IAH1: variants seen among roughly 807,000 people sequenced by gnomAD.
The protein encoded by IAH1 is isoamyl acetate-hydrolyzing esterase 1 homolog.
In IAH1, 24 loss-of-function variants were observed where a neutral mutation model predicts 26.7. The ratio of observed to expected loss-of-function variants is 0.90; its 90% CI spans 0.65 to 1.26. The LOEUF (loss-of-function observed/expected upper bound fraction) is 1.26, where lower values mean the gene tolerates loss of function less well. Ranked by LOEUF, IAH1 falls within the 50% of genes most tolerant of loss-of-function variation. The pLI, the probability that IAH1 is intolerant of heterozygous loss-of-function variation, is 0.00. For synonymous variants in IAH1, 140 were observed against 118.5 expected, an observed-to-expected ratio of 1.18 and a Z score of -1.18; for missense variants, 300 against 299.9, an observed-to-expected ratio of 1.00 and a Z score of 0.00.
At chr2:9,491,102 C>G (rs1662103870), downstream of IAH1, 3 of 1,612,892 alleles carry the variant, frequency 1.9e-6, no homozygotes, top group Non-Finnish European at 2.5e-6. Flanking sequence ...TATACTTACA[C>G]TGGGGTGAAA....
rs1276199438 is a variant in IAH1, at chr2:9,481,290, G to C, written c.288G>C (p.Glu96Asp). The change falls in exon 4 of 6, where the codon GAG becomes GAC. Residue 96 changes from glutamate (E) to aspartate (D), a missense_variant. Glu to Asp is a conservative substitution (Grantham distance 45). Transcript: ENST00000497473. Reference protein sequence around the residue: ...FGANDSALKDENPKQHIPLEE... With the variant: ...FGANDSALKDDNPKQHIPLEE... ...ACTCATGTTTCTCTTGAGCAGATGA[G>C]AATCCCAAGCAGCACATTCCCCTGG... is the stretch of plus-strand genomic sequence containing the variant. 3.1e-6 allele frequency: 5 copies of C among 1,614,022 alleles called. No homozygotes were observed.
chr2:9,506,923 A>G, the IAH1 span: 2 of 152,146 alleles, frequency 1.3e-5, no homozygotes, highest in Non-Finnish European at 2.9e-5. Context: ...CTGCCTACAC[A>G]TCCCTGAAGA....
downstream of IAH1, among the ~76,000 whole-genome samples, chr2:9,497,499 C>T (rs1240589739): frequency 6.6e-6 from 1 of 152,252 alleles, no homozygotes. Flanking sequence ...ATGGTCTCCA[C>T]TTCTGCATCT....
chr2:9,496,855 C>T (rs972426323), downstream of IAH1, among the ~76,000 whole-genome samples: 4 of 152,330 alleles, frequency 2.6e-5, no homozygotes, highest in Non-Finnish European at 5.9e-5. Context: ...AAAATTCCCT[C>T]CTCTCCCACC....
intron 6 of IAH1, among the ~76,000 whole-genome samples, chr2:9,495,317 G>C (rs1465215356): frequency 6.6e-6 from 1 of 152,262 alleles, no homozygotes; most frequent in Non-Finnish European, 1.5e-5. Flanking sequence ...GCATCTGTGA[G>C]CCATGTGGGC....
At chr2:9,507,060 C>A in the IAH1 span, 53 of 152,330 alleles carry the variant, frequency 3.5e-4, no homozygotes, top group African/African-American at 1.2e-3. Flanking sequence ...ACAGAGAAGT[C>A]CACCTGTGGC....
rs1661738423 is a variant in IAH1 at position 9,488,220 on chromosome 2, G to A, written c.638G>A (p.Trp213Ter). The change falls in exon 6 of 6, where the codon TGG (tryptophan) becomes TAG (stop). Residue 213 changes from tryptophan to a stop codon, truncating the protein, a stop_gained. Transcript: ENST00000497473. LOFTEE classifies it high-confidence loss of function. ...AATGAATTTTTGTTCTCGCATCTCT[G>A]GCCTTTGATAGAGAAAAAGGTCTCT... is the stretch of plus-strand genomic sequence containing the variant. ...KGNEFLFSHL[W>*]PLIEKKVSSL... 1 of 1,613,304 alleles carries A rather than the reference G, an allele frequency of 6.2e-7. No individual in the cohort carries two copies. The highest frequency in any genetic ancestry group is 8.5e-7 in the Non-Finnish European group (1 of 1,179,640).
chr2:9,487,856 G>T (rs964909877), intron 5 of IAH1, among the ~76,000 whole-genome samples: 2 of 151,252 alleles, frequency 1.3e-5, no homozygotes, highest in East Asian at 2.0e-4. Context: ...GCGCGCTGTG[G>T]GGGGAGACAG....
chr2:9,505,914 T>C, the IAH1 span, among the ~76,000 whole-genome samples: 5 of 152,164 alleles, frequency 3.3e-5, no homozygotes, highest in African/African-American at 1.2e-4. Context: ...ACATTTTATA[T>C]AAATTAAATC....
the IAH1 span, chr2:9,505,338 T>C: frequency 1.1e-5 from 18 of 1,614,172 alleles, no homozygotes; most frequent in African/African-American, 1.2e-4. Context: ...GTCTTATAGA[T>C]TGATTGTTTA....
intron 5 of IAH1, chr2:9,487,660 A>C (rs1572856394): frequency 6.5e-6 from 1 of 154,194 alleles, no homozygotes; most frequent in African/African-American, 2.4e-5. Flanking sequence ...GTGCTACTGT[A>C]GTCCAAGACA....
At chr2:9,507,523 T>C in the IAH1 span, among the ~76,000 whole-genome samples, 5 of 152,048 alleles carry the variant, frequency 3.3e-5, no homozygotes, top group Admixed American at 1.3e-4. Context: ...TAAATAATAA[T>C]AAATAAATAA....
the IAH1 span, among the ~76,000 whole-genome samples, chr2:9,504,867 GCTT>G: frequency 2.0e-5 from 3 of 151,950 alleles, no homozygotes; most frequent in East Asian, 1.9e-4. Flanking sequence ...TTTCCAGAAA[GCTT>G]CTTCTTTTCT....
At position 9,489,395 on chromosome 2, in the gene IAH1, T is replaced by G. The variant is rs563908266; in HGVS notation, c.*1066T>G. 6.6e-6 allele frequency: 1 copy of G among 150,922 alleles called. No homozygotes were observed. Among genetic ancestry groups the G allele is most frequent in the Non-Finnish European group, 1.5e-5 (1 of 67,846 alleles). The allele number at this position is 150,922 out of a possible 1,614,324, so 9.3% of individuals were successfully genotyped here. A position where few individuals can be genotyped will look rare whatever the true frequency, so the allele number is the denominator to read the frequency against. ...ACCACTCCCAGCCAATAGTGAATTT[T>G]CTAAGAGCATGTATCCCTATCAGTA... On this transcript the variant is annotated 3_prime_UTR_variant, in exon 6 of 6. Transcript: ENST00000497473.
Position 9,474,980 on chromosome 2 carries a change from C to G in IAH1, c.81+333C>G. ...AGCGCCCTCCTGGGCAGCGGCCTTT[C>G]CCCTCCGGGTCCGGGTTAGCGGCCG... On this transcript the variant is annotated intron_variant, in intron 1 of 5. Coordinates refer to ENST00000497473, the MANE Select transcript of IAH1 (RefSeq NM_001039613.3). This position sits in a 1 kb window ranked among gnomAD's most constrained non-coding sequence, Gnocchi z 4.3. 3 of 1,096,830 alleles carry G rather than the reference C, an allele frequency of 2.7e-6. No homozygotes were observed. The South Asian group carries it at 7.0e-5, about 26-fold the overall frequency. The allele number at this position is 1,096,830 out of a possible 1,614,324, so 67.9% of individuals were successfully genotyped here.
intron 2 of IAH1, 77 bp from the exon 3 acceptor site, chr2:9,478,145 C>G: frequency 7.5e-7 from 1 of 1,330,422 alleles, no homozygotes; most frequent in African/African-American, 1.5e-5. Context: ...AGAGAGCACA[C>G]CCTCACTAAA....
chr2:9,499,547 G>A (rs1158963738), downstream of IAH1, among the ~76,000 whole-genome samples: 17 of 151,910 alleles, frequency 1.1e-4, no homozygotes, highest in African/African-American at 7.3e-5. Context: ...GACTACAGGC[G>A]CCCGCCACCA....
At chr2:9,507,814 G>A in the IAH1 span, among the ~76,000 whole-genome samples, 14 of 152,164 alleles carry the variant, frequency 9.2e-5, no homozygotes, top group Admixed American at 4.6e-4. Flanking sequence ...TGAACTCCCC[G>A]GGTTCCTCCT....
the IAH1 span, among the ~76,000 whole-genome samples, chr2:9,504,798 G>C: frequency 1.3e-5 from 2 of 151,612 alleles, no homozygotes; most frequent in African/African-American, 4.8e-5. Context: ...TTTAACTATA[G>C]GACTGCTAAA....
Sources: gnomAD v4.1 joint callset for allele counts (sites outside exome capture counted in the v4.1 genomes callset) on GRCh38, gnomAD v4.1.1 for gene constraint, Gnocchi (gnomAD v3.1) non-coding constraint, MANE v1.5 for transcripts, NCBI Gene and HGNC (gene_info 2026-07-23, HGNC 2026-07-21) for gene names.